The following SRFBP1 variants were observed in gnomAD, a reference collection of about 807,000 sequenced individuals.
SRFBP1 encodes serum response factor-binding protein 1.
SRFBP1 carries 47 observed loss-of-function variants against 45.5 expected under a neutral mutation model. The ratio of observed to expected loss-of-function variants is 1.03; its 90% confidence interval spans 0.82 to 1.32. SRFBP1 has a LOEUF of 1.32. Among genes scored for constraint, SRFBP1 ranks in the 40% most tolerant of loss-of-function variants. SRFBP1 has a pLI of 0.00. For missense variants in SRFBP1, 621 were observed against 484.6 expected (o/e 1.28, Z -2.64); for synonymous variants, 203 against 166.3 (o/e 1.22, Z -1.70).
intron 4 of SRFBP1, among the ~76,000 whole-genome samples, chr5:122,005,407 CATT>C (rs1404912937): frequency 6.6e-6 from 1 of 152,100 alleles, no homozygotes; most frequent in African/African-American, 2.4e-5. Context: ...ACTCTGGTCT[CATT>C]GTACAATTTT....
chr5:122,053,176 C>T (rs1351617021), intron 2 of SRFBP1, among the ~76,000 whole-genome samples: 3 of 152,112 alleles, frequency 2.0e-5, no homozygotes, highest in South Asian at 2.1e-4. Flanking sequence ...CACAGGGTTG[C>T]GCCTGGTCAC....
rs772011641 is a variant in SRFBP1 at position 121,994,562 on chromosome 5, C to G, written c.199-37C>G. On this transcript the variant is annotated intron_variant, in intron 3 of 7. Transcript: ENST00000339397. ...ACTTAATAATAGTGATAAAAATAGA[C>G]ACATAACTAAAATTAATTTGTTTTA... is the stretch of plus-strand genomic sequence containing the variant. The G allele has an allele frequency of 1.0e-5, 14 of 1,365,908 alleles. No individual in the cohort carries two copies. The South Asian group carries it at 1.6e-4, about 16-fold the overall frequency. The allele number at this position is 1,365,908 out of a possible 1,614,324, so 84.6% of individuals were successfully genotyped here. A position where few individuals can be genotyped will look rare whatever the true frequency, so the allele number is the denominator to read the frequency against.
At chr5:121,999,509 T>C (rs1039131610) in intron 4 of SRFBP1, among the ~76,000 whole-genome samples, 3 of 152,262 alleles carry the variant, frequency 2.0e-5, no homozygotes. Context: ...TTACTGTTTT[T>C]TTTTCTGCCT....
At chr5:122,053,934 C>A (rs1754033888) in intron 2 of SRFBP1, among the ~76,000 whole-genome samples, 1 of 152,172 alleles carries the variant, frequency 6.6e-6, no homozygotes, top group African/African-American at 2.4e-5. Flanking sequence ...GCTGGAAGCT[C>A]TAGCAAGCAT....
chr5:122,024,331 T>C (rs17148709), intron 7 of SRFBP1, among the ~76,000 whole-genome samples: 6,747 of 152,290 alleles, frequency 0.044, 174 homozygotes, highest in African/African-American at 0.06. Context: ...TACCCACCAC[T>C]GAACTGCTAA....
intron 2 of SRFBP1, among the ~76,000 whole-genome samples, chr5:122,053,319 A>T (rs1754022030): frequency 1.3e-5 from 2 of 152,044 alleles, no homozygotes; most frequent in African/African-American, 4.8e-5. Flanking sequence ...AGAAGCTTCA[A>T]CCCTTGGCAA....
At chr5:121,985,968 T>TTA (rs964954811) in intron 3 of SRFBP1, among the ~76,000 whole-genome samples, 17 of 151,976 alleles carry the variant, frequency 1.1e-4, no homozygotes, top group African/African-American at 3.6e-4. Context: ...TTCAGAGAAA[T>TTA]TATCTTGGCT....
At chr5:122,054,352 C>T (rs1191590188) in intron 2 of SRFBP1, among the ~76,000 whole-genome samples, 2 of 152,222 alleles carry the variant, frequency 1.3e-5, no homozygotes, top group South Asian at 2.1e-4. Flanking sequence ...TGGCTCCGAG[C>T]TAAGCCCAGA....
At chr5:121,967,731 AGGCTAAGGTGGGAAGAT>A (rs1752103395) in intron 1 of SRFBP1, among the ~76,000 whole-genome samples, 1 of 152,136 alleles carries the variant, frequency 6.6e-6, no homozygotes, top group Non-Finnish European at 1.5e-5. Flanking sequence ...GCTACTTGGG[AGGCTAAGGTGGGAAGAT>A]GGCTTGAGCC....
At chr5:122,057,358 T>A (rs1250012346) in intron 2 of SRFBP1, among the ~76,000 whole-genome samples, 1 of 152,142 alleles carries the variant, frequency 6.6e-6, no homozygotes, top group Non-Finnish European at 1.5e-5. Context: ...AGGTTTATTA[T>A]CAAGTTTTCA....
intron 2 of SRFBP1, among the ~76,000 whole-genome samples, chr5:122,057,587 A>G (rs140483676): frequency 0.019 from 2,855 of 150,732 alleles, 55 homozygotes; most frequent in Middle Eastern, 0.039. Context: ...TCAGTCTCCC[A>G]AAGTGTTGAG....
At chr5:122,037,347 G>A (rs1029042174) in intron 2 of SRFBP1, among the ~76,000 whole-genome samples, 1 of 152,184 alleles carries the variant, frequency 6.6e-6, no homozygotes, top group African/African-American at 2.4e-5. Context: ...AGGACCACAT[G>A]TCTTCTGCCG....
chr5:122,063,410 A>G (rs1299436886), intron 2 of SRFBP1: 3 of 151,944 alleles, frequency 2.0e-5, no homozygotes, highest in East Asian at 3.9e-4. Context: ...ACACCAAATG[A>G]CATGTTACTT....
chr5:122,016,062 C>A (rs967125219), intron 4 of SRFBP1, among the ~76,000 whole-genome samples: 4 of 152,100 alleles, frequency 2.6e-5, no homozygotes, highest in African/African-American at 9.7e-5. Flanking sequence ...CATAATATTT[C>A]TGTTTTCTAC....
chr5:122,058,542 G>A (rs1295445111), intron 2 of SRFBP1, among the ~76,000 whole-genome samples: 1 of 147,504 alleles, frequency 6.8e-6, no homozygotes, highest in African/African-American at 2.6e-5. Flanking sequence ...GTGTGTGTGT[G>A]TGTGTGTGTG....
intron 2 of SRFBP1, among the ~76,000 whole-genome samples, chr5:122,053,320 C>T (rs1490887323): frequency 6.6e-6 from 1 of 152,096 alleles, no homozygotes; most frequent in African/African-American, 2.4e-5. Flanking sequence ...GAAGCTTCAA[C>T]CCTTGGCAAA....
At position 121,975,052 on chromosome 5, in the gene SRFBP1, G is replaced by A. The variant is rs146743190; in HGVS notation, c.126-263G>A. 1.6e-4 allele frequency among the ~76,000 whole-genome samples: 25 copies of A among 152,002 alleles called. 2 individuals are homozygous for A. The East Asian group carries it at 4.8e-3, about 29-fold the overall frequency. ...TTAAAAAAGTGTTATTAAGGAACTA[G>A]AGAAGGCAAACTATCAAAAGTAATA... On this transcript the variant is annotated intron_variant, in intron 2 of 7. Coordinates refer to ENST00000339397, the MANE Select transcript of SRFBP1 (RefSeq NM_152546.3).
At chr5:121,998,549 A>T (rs1212211173) in intron 4 of SRFBP1, among the ~76,000 whole-genome samples, 1 of 146,076 alleles carries the variant, frequency 6.8e-6, no homozygotes, top group Non-Finnish European at 1.5e-5. Context: ...TAGCATTGGG[A>T]GATATACCTA....
rs1269674098 is a variant in SRFBP1, at chr5:122,007,349, C to T, written c.271-11911C>T. Among the ~76,000 whole-genome samples, 4 of 151,214 alleles carry T rather than the reference C, an allele frequency of 2.6e-5. No homozygotes were observed. In the South Asian group the frequency reaches 8.4e-4, roughly 32 times the overall value. ...CTGGGTCTGCTGGAGTAGGCCTGGA[C>T]TCTGGATCCTCTAGAGCCTGGTACC... On this transcript the variant is annotated intron_variant, in intron 4 of 7. Coordinates refer to ENST00000339397, the MANE Select transcript of SRFBP1 (RefSeq NM_152546.3).
Sources: allele counts gnomAD v4.1 joint callset (sites outside exome capture counted in the v4.1 genomes callset), GRCh38; gene constraint gnomAD v4.1.1; transcripts MANE v1.5; gene names NCBI Gene and HGNC (gene_info 2026-07-23, HGNC 2026-07-21).